MALRD1: variants seen among roughly 807,000 people sequenced by gnomAD.
MALRD1 encodes the protein MAM and LDL-receptor class A domain-containing protein 1.
Under a neutral mutation model 242.1 loss-of-function variants are expected in MALRD1, and 247 were observed. The observed-to-expected ratio is 1.02, with a 90% confidence interval of 0.92 to 1.13. The LOEUF is 1.13. Among genes scored for constraint, MALRD1 ranks in the 50% most tolerant of loss-of-function variants. The pLI is 0.00. For missense variants in MALRD1, 2,989 were observed against 2,533.1 expected (o/e 1.18, Z -3.86); for synonymous variants, 995 against 866.6 (o/e 1.15, Z -2.60).
intron 2 of MALRD1, 83 bp downstream of exon 2, chr10:19,066,942 C>A: frequency 9.4e-7 from 1 of 1,058,432 alleles, no homozygotes; most frequent in Non-Finnish European, 1.2e-6. Flanking sequence ...TTCTTTCCCA[C>A]CTCCCTTTCT....
rs111330728 is a variant in MALRD1 at position 19,066,767 on chromosome 10, C to T, written c.248C>T (p.Thr83Ile). 7.6e-5 allele frequency: 94 copies of T among 1,233,578 alleles called. No individual in the cohort carries two copies. The African/African-American group carries it at 1.2e-3, about 15-fold the overall frequency. 76.4% of individuals were successfully genotyped at this position (1,233,578 alleles called of 1,614,324 possible). ...CDFEDGLCHM[T>I]QDQSLQPSWT... ...TTTGAGGATGGTCTCTGTCATATGACTCAAGATCAGAGTCTGCAACCTAGT... is the reference window on the plus strand; with the variant it reads ...TTTGAGGATGGTCTCTGTCATATGATTCAAGATCAGAGTCTGCAACCTAGT... The change falls in exon 2 of 40, where the codon ACT becomes ATT. Residue 83 changes from threonine to isoleucine, a missense_variant. Thr to Ile is a moderately conservative substitution (Grantham distance 89). Transcript: ENST00000454679.
chr10:19,204,279 G>C, intron 15 of MALRD1, 29 bp from the exon 16 acceptor site: 1 of 1,130,834 alleles, frequency 8.8e-7, no homozygotes, highest in Non-Finnish European at 1.2e-6. Context: ...GGTTAATGAA[G>C]CGTTTTTTTT....
chr10:19,296,832 A>T (rs1157337332), intron 21 of MALRD1, among the ~76,000 whole-genome samples: 2 of 151,608 alleles, frequency 1.3e-5, no homozygotes, highest in African/African-American at 4.9e-5. Flanking sequence ...CATTTGTGAG[A>T]AATTAGTTTG....
chr10:19,354,935 A>G (rs941763949), intron 26 of MALRD1, among the ~76,000 whole-genome samples: 2 of 152,224 alleles, frequency 1.3e-5, no homozygotes, highest in Admixed American at 1.3e-4. Flanking sequence ...AAGTAAGCAG[A>G]AAAACGTTTA....
chr10:19,195,626 G>A (rs1461127219), intron 14 of MALRD1, among the ~76,000 whole-genome samples: 4 of 152,162 alleles, frequency 2.6e-5, no homozygotes, highest in Admixed American at 6.5e-5. Flanking sequence ...TCCGGGGTTA[G>A]AAATGACAAC....
intron 21 of MALRD1, among the ~76,000 whole-genome samples, chr10:19,315,416 A>C (rs188909387): frequency 0.6 from 29 of 48 alleles, 14 homozygotes; most frequent in Non-Finnish European, 1. Context: ...AAATATATAA[A>C]TATAATTTAT....
chr10:19,471,320 G>A (rs1367848536), intron 29 of MALRD1, among the ~76,000 whole-genome samples: 1 of 151,744 alleles, frequency 6.6e-6, no homozygotes, highest in Non-Finnish European at 1.5e-5. Flanking sequence ...TATCCACACT[G>A]TTTTCATTAC....
chr10:19,327,506 T>C, intron 22 of MALRD1, 57 bp from the exon 23 acceptor site: 1 of 1,353,558 alleles, frequency 7.4e-7, no homozygotes, highest in South Asian at 1.3e-5. Context: ...ATTCTACATG[T>C]TTGCAATTTC....
At chr10:19,508,342 G>GA (rs1564400230) in intron 31 of MALRD1, among the ~76,000 whole-genome samples, 1 of 151,956 alleles carries the variant, frequency 6.6e-6, no homozygotes, top group Non-Finnish European at 1.5e-5. Flanking sequence ...CAGAAACTGT[G>GA]AAAAAAAGAA....
chr10:19,169,499 T>G (rs866423382), intron 13 of MALRD1, among the ~76,000 whole-genome samples: 2 of 152,200 alleles, frequency 1.3e-5, no homozygotes, highest in Non-Finnish European at 2.9e-5. Context: ...GTTAACATTT[T>G]GTTTGCTTAT....
intron 29 of MALRD1, among the ~76,000 whole-genome samples, chr10:19,481,033 T>C (rs1029082160): frequency 4.1e-4 from 63 of 152,214 alleles, no homozygotes; most frequent in Non-Finnish European, 4.0e-4. Context: ...GGTATATATA[T>C]ATACTTTTCT....
intron 32 of MALRD1, among the ~76,000 whole-genome samples, chr10:19,559,808 C>T (rs1835885445): frequency 6.6e-6 from 1 of 152,136 alleles, no homozygotes; most frequent in African/African-American, 2.4e-5. Context: ...AGAGAAACAA[C>T]CCCATCGAAC....
At chr10:19,328,926 C>T (rs1843246666) in intron 23 of MALRD1, among the ~76,000 whole-genome samples, 1 of 149,510 alleles carries the variant, frequency 6.7e-6, no homozygotes, top group African/African-American at 2.5e-5. Context: ...GTAGAAGATT[C>T]TACTCTGCCA....
chr10:19,437,615 A>G lies in MALRD1; in HGVS notation c.4846-12692A>G, dbSNP rs61851073. ...CACATTGCTTGTCTTTTCACTCACAATATTCATTTTTTGCATTTTGCTTAC... is the reference window on the plus strand; with the variant it reads ...CACATTGCTTGTCTTTTCACTCACAGTATTCATTTTTTGCATTTTGCTTAC... On this transcript the variant is annotated intron_variant, in intron 28 of 39. Coordinates refer to ENST00000454679, the MANE Select transcript of MALRD1 (RefSeq NM_001142308.3). Among the ~76,000 whole-genome samples the G allele has an allele frequency of 3.9e-3, 592 of 152,048 alleles. 3 individuals carry two copies. Among genetic ancestry groups the G allele is most frequent in the Middle Eastern group, 0.027 (8 of 294 alleles).
intron 38 of MALRD1, among the ~76,000 whole-genome samples, chr10:19,700,272 A>G (rs1833566586): frequency 6.6e-6 from 1 of 152,150 alleles, no homozygotes; most frequent in Non-Finnish European, 1.5e-5. Context: ...GGCATGCTTC[A>G]GAGCCAGAAC....
At chr10:19,404,420 A>C (rs534352992) in intron 28 of MALRD1, among the ~76,000 whole-genome samples, 1 of 152,058 alleles carries the variant, frequency 6.6e-6, no homozygotes, top group Non-Finnish European at 1.5e-5. Context: ...TTTGACTAAG[A>C]TGTAGTATAT....
chr10:19,505,123 GT>G (rs1347060278), intron 31 of MALRD1, among the ~76,000 whole-genome samples: 3 of 152,150 alleles, frequency 2.0e-5, no homozygotes, highest in African/African-American at 7.2e-5. Flanking sequence ...GAGAGGTAGA[GT>G]AGGAGGAAGA....
At chr10:19,179,846 C>G (rs1835422323) in intron 14 of MALRD1, among the ~76,000 whole-genome samples, 1 of 151,928 alleles carries the variant, frequency 6.6e-6, no homozygotes. Context: ...TAGATCCTGC[C>G]TAGTTCTATA....
intron 29 of MALRD1, among the ~76,000 whole-genome samples, chr10:19,487,214 G>C (rs1268837175): frequency 6.6e-6 from 1 of 151,808 alleles, no homozygotes; most frequent in Non-Finnish European, 1.5e-5. Flanking sequence ...TGACAACCAG[G>C]TGAATAGTTT....
Sources: gnomAD v4.1 joint callset for allele counts (sites outside exome capture counted in the v4.1 genomes callset) on GRCh38, gnomAD v4.1.1 for gene constraint, MANE v1.5 for transcripts, NCBI Gene and HGNC (gene_info 2026-07-23, HGNC 2026-07-21) for gene names.